The following STARD9 variants were observed in gnomAD, a reference collection of about 807,000 sequenced individuals.
STARD9 encodes the protein stAR-related lipid transfer protein 9.
Under a neutral mutation model 399.8 loss-of-function variants are expected in STARD9, and 346 were observed. That is an observed-to-expected ratio of 0.87 (90% CI 0.79 to 0.95). The LOEUF (loss-of-function observed/expected upper bound fraction) is 0.95, where lower values mean the gene tolerates loss of function less well. STARD9 is among the 40% of genes least tolerant of loss of function. The pLI, the probability that STARD9 is intolerant of heterozygous loss-of-function variation, is 0.00. For synonymous variants in STARD9, 2,203 were observed against 2,143.5 expected (o/e 1.03, Z -0.77); for missense variants, 5,832 against 5,667.5 (o/e 1.03, Z -0.93).
chr15:42,718,368 A>G, intron 30 of STARD9, 67 bp from the exon 31 acceptor site: 1 of 1,382,806 alleles, frequency 7.2e-7, no homozygotes, highest in East Asian at 2.5e-5. Context: ...GGGCTCCCTG[A>G]CCAGGAAGGC....
intron 31 of STARD9, 66 bp from the exon 32 acceptor site, chr15:42,718,686 C>T (rs2140430956): frequency 2.0e-6 from 3 of 1,507,890 alleles, no homozygotes; most frequent in Non-Finnish European, 2.7e-6. Flanking sequence ...ATACTGTCTA[C>T]ACGGGAGCCT....
intron 24 of STARD9, 120 bp from the exon 25 acceptor site, chr15:42,695,020 C>G: frequency 1.1e-6 from 1 of 903,250 alleles, no homozygotes; most frequent in South Asian, 1.8e-5. Context: ...CTTTAAAACC[C>G]TGTGGGCAAA....
chr15:42,675,825 G>C, intron 19 of STARD9, 47 bp from the exon 20 acceptor site: 3 of 1,534,036 alleles, frequency 2.0e-6, no homozygotes, highest in Non-Finnish European at 2.6e-6. Flanking sequence ...GCTGGGAGAG[G>C]TGGAGGCGAT....
intron 3 of STARD9, among the ~76,000 whole-genome samples, chr15:42,606,258 T>A (rs1246595597): frequency 2.0e-5 from 3 of 152,218 alleles, no homozygotes; most frequent in Non-Finnish European, 4.4e-5. Context: ...TCTCACCACA[T>A]CCTGCTACCT....
chr15:42,671,869 T>C (rs2060210470), intron 16 of STARD9: 1 of 152,210 alleles, frequency 6.6e-6, no homozygotes, highest in African/African-American at 2.4e-5. Context: ...CTTGAATTCC[T>C]AACCTCAAGT....
At chr15:42,640,714 G>A (rs563158318) in intron 7 of STARD9, among the ~76,000 whole-genome samples, 23 of 151,560 alleles carry the variant, frequency 1.5e-4, no homozygotes, top group Middle Eastern at 3.4e-3. Flanking sequence ...CCAGCTACTC[G>A]TGAGGCTGAG....
intron 10 of STARD9, among the ~76,000 whole-genome samples, chr15:42,662,177 T>C (rs892332155): frequency 6.6e-6 from 1 of 152,170 alleles, no homozygotes; most frequent in Non-Finnish European, 1.5e-5. Flanking sequence ...GATACTGCCT[T>C]GTAGGTATTA....
chr15:42,653,362 C>A (rs911889336), intron 9 of STARD9, among the ~76,000 whole-genome samples: 7 of 152,236 alleles, frequency 4.6e-5, no homozygotes, highest in South Asian at 2.1e-4. Context: ...AGAAGTACCA[C>A]ACCCAAAATA....
Position 42,694,055 on chromosome 15 carries a change from T to C in STARD9, c.12477T>C (p.Thr4159=). ...QKGSPGGLDM[T]EEELGASGDL... Reference sequence around the variant, plus strand: ...GCTCACCTGGGGGGTTGGACATGACTGAGGAGGAGCTGGGGGCCAGCGGTG... The same window carrying C: ...GCTCACCTGGGGGGTTGGACATGACCGAGGAGGAGCTGGGGGCCAGCGGTG... Residue 4159 remains threonine (T), a synonymous_variant, in exon 23 of 33, where the codon ACT becomes ACC. Coordinates refer to ENST00000290607, the MANE Select transcript of STARD9 (RefSeq NM_020759.3). 2 of 1,536,476 alleles carry C rather than the reference T, an allele frequency of 1.3e-6. No individual in the cohort carries two copies. The highest frequency in any genetic ancestry group is 1.7e-6 in the Non-Finnish European group (2 of 1,146,648).
chr15:42,653,860 A>G (rs769561377), intron 9 of STARD9, among the ~76,000 whole-genome samples: 2 of 152,210 alleles, frequency 1.3e-5, no homozygotes, highest in African/African-American at 2.4e-5. Context: ...TCAATAAAAG[A>G]ATAAGATTAC....
Position 42,692,580 on chromosome 15 carries a change from G to A in STARD9, c.11002G>A (p.Ala3668Thr), listed in dbSNP as rs1331100233. ...FAQPEASAVS[A>T]FDLASWTSMH... ...TCAGCCTGAAGCCAGTGCAGTATCAGCCTTTGATCTGGCCTCATGGACCAG... is the reference window on the plus strand; with the variant it reads ...TCAGCCTGAAGCCAGTGCAGTATCAACCTTTGATCTGGCCTCATGGACCAG... Residue 3668 changes from alanine (A) to threonine (T), a missense_variant, in exon 23 of 33, where the codon GCC becomes ACC. Coordinates refer to ENST00000290607, the MANE Select transcript of STARD9 (RefSeq NM_020759.3). The A allele has an allele frequency of 1.3e-6, 2 of 1,537,106 alleles. No homozygotes were observed. Among genetic ancestry groups the A allele is most frequent in the East Asian group, 2.4e-5 (1 of 40,938 alleles).
chr15:42,673,495 C>T (rs574535304), intron 16 of STARD9, among the ~76,000 whole-genome samples: 1 of 152,096 alleles, frequency 6.6e-6, no homozygotes, highest in Non-Finnish European at 1.5e-5. Flanking sequence ...TCCAGAGAGA[C>T]CTGATTTCTA....
intron 9 of STARD9, among the ~76,000 whole-genome samples, chr15:42,655,069 G>A (rs948892466): frequency 6.6e-6 from 1 of 152,162 alleles, no homozygotes; most frequent in Non-Finnish European, 1.5e-5. Context: ...ATCACTTGAG[G>A]TCAGGAGTTT....
chr15:42,710,294 C>A (rs1303091997), intron 26 of STARD9, among the ~76,000 whole-genome samples: 1 of 150,804 alleles, frequency 6.6e-6, no homozygotes. Flanking sequence ...AACTCCTGGG[C>A]TCAAGGGATC....
At chr15:42,650,947 T>C in intron 7 of STARD9, 69 bp from the exon 8 acceptor site, 1 of 1,148,690 alleles carries the variant, frequency 8.7e-7, no homozygotes, top group African/African-American at 1.5e-5. Context: ...GATAAAGACT[T>C]ACAAGAAAAG....
intron 3 of STARD9, among the ~76,000 whole-genome samples, chr15:42,588,494 C>T (rs2058325273): frequency 6.6e-6 from 1 of 152,062 alleles, no homozygotes; most frequent in Non-Finnish European, 1.5e-5. Flanking sequence ...GTCTGAGTCC[C>T]TCATTGGTCC....
At chr15:42,665,970 T>C in intron 15 of STARD9, 122 bp downstream of exon 15, 4 of 812,948 alleles carry the variant, frequency 4.9e-6, no homozygotes, top group Non-Finnish European at 8.0e-6. Flanking sequence ...TTAAATACAA[T>C]GTTTGTTTCC....
In STARD9 at chr15:42,690,164, A is replaced by G. The variant is rs2060656789; in HGVS notation, c.8586A>G (p.Thr2862=). Residue 2862 remains threonine (T), a synonymous_variant, in exon 23 of 33, where the codon ACA becomes ACG. Coordinates refer to ENST00000290607, the MANE Select transcript of STARD9 (RefSeq NM_020759.3). ...ATACCATTCTGCCTGGAGCTCTGAC[A>G]AGGGTTGCACTGGAAGCTCCCACAC... is the stretch of plus-strand genomic sequence containing the variant. ...KQDTILPGAL[T]RVALEAPTQQ... is the part of the protein sequence containing the mutation. 1 of 1,537,822 alleles carries G rather than the reference A, an allele frequency of 6.5e-7. No homozygotes were observed. Among genetic ancestry groups the G allele is most frequent in the East Asian group, 2.4e-5 (1 of 40,918 alleles).
Position 42,690,054 on chromosome 15 carries a change from A to G in STARD9, c.8476A>G (p.Ser2826Gly), listed in dbSNP as rs763439081. ...SVTCDVQNST[S>G]ASGPKQDHVQ... is the part of the protein sequence containing the mutation. ...GACCTGTGATGTTCAGAATTCTACAAGTGCCTCAGGGCCTAAGCAAGACCA... is the reference window on the plus strand; with the variant it reads ...GACCTGTGATGTTCAGAATTCTACAGGTGCCTCAGGGCCTAAGCAAGACCA... Residue 2826 changes from serine to glycine, a missense_variant, in exon 23 of 33, where the codon AGT becomes GGT. Ser to Gly is a moderately conservative substitution (Grantham distance 56, BLOSUM62 0). Transcript: ENST00000290607. 3.5e-5 allele frequency: 54 copies of G among 1,537,408 alleles called. 1 individual carries two copies. The South Asian group carries it at 3.6e-4, about 10-fold the overall frequency.
Sources: gnomAD v4.1 joint callset for allele counts (sites outside exome capture counted in the v4.1 genomes callset) on GRCh38, gnomAD v4.1.1 for gene constraint, MANE v1.5 for transcripts, NCBI Gene and HGNC (gene_info 2026-07-23, HGNC 2026-07-21) for gene names.